The following KCNK15 variants were observed in gnomAD, a reference collection of about 807,000 sequenced individuals.
KCNK15 encodes potassium channel subfamily K member 15.
Under a neutral mutation model 8.5 loss-of-function variants are expected in KCNK15, and 9 were observed. The observed-to-expected ratio is 1.06, with a 90% CI of 0.64 to 1.85. KCNK15 has a LOEUF of 1.85. Among genes scored for constraint, KCNK15 ranks in the 40% most tolerant of loss-of-function variants. KCNK15 has a pLI of 0.00. For synonymous variants in KCNK15, 224 were observed against 232.7 expected, an observed-to-expected ratio of 0.96 and a Z score of 0.34; for missense variants, 467 against 476.8, an observed-to-expected ratio of 0.98 and a Z score of 0.19.
chr20:44,751,054 T>A lies in KCNK15; in HGVS notation c.*216T>A, dbSNP rs537261799. The A allele has an allele frequency of 2.6e-6, 1 of 381,582 alleles. No homozygotes were observed. Among genetic ancestry groups the A allele is most frequent in the East Asian group, 4.1e-5 (1 of 24,322 alleles). The allele number at this position is 381,582 out of a possible 1,614,324, so 23.6% of individuals were successfully genotyped here. On this transcript the variant is annotated 3_prime_UTR_variant, in exon 2 of 2. Coordinates refer to ENST00000372861, the MANE Select transcript of KCNK15 (RefSeq NM_022358.4). Reference sequence around the variant, plus strand: ...CACAAACCAGGCTCCAGGGTCACCCTGTAGGAGCAAATTCCTTGTAGTCCA... The same window carrying A: ...CACAAACCAGGCTCCAGGGTCACCCAGTAGGAGCAAATTCCTTGTAGTCCA...
Position 44,750,652 on chromosome 20 carries a change from C to G in KCNK15, c.807C>G (p.Pro269=), listed in dbSNP as rs1487469562. ...CCAGCCCGCGCCCCCCGGGGGCGCC[C>G]GAGAGCCGTGGCCTCTGGCTGCCCC... is the stretch of plus-strand genomic sequence containing the variant. ...RTPSPRPPGA[P]ESRGLWLPRR... The change falls in exon 2 of 2, where the codon CCC becomes CCG. Residue 269 remains proline, a synonymous_variant. Transcript: ENST00000372861. The G allele has an allele frequency of 7.2e-6, 11 of 1,520,184 alleles. No homozygotes were observed. Among genetic ancestry groups the G allele is most frequent in the Middle Eastern group, 2.0e-4 (1 of 5,004 alleles). 94.2% of individuals were successfully genotyped at this position (1,520,184 alleles called of 1,614,324 possible). A position where few individuals can be genotyped will look rare whatever the true frequency, so the allele number is the denominator to read the frequency against.
At position 44,746,179 on chromosome 20, in the gene KCNK15, T is replaced by G; in HGVS notation, c.269T>G (p.Val90Gly). 1 of 1,399,742 alleles carries G rather than the reference T, an allele frequency of 7.1e-7. No individual in the cohort carries two copies. The highest frequency in any genetic ancestry group is 1.7e-5 in the South Asian group (1 of 60,412). 86.7% of individuals were successfully genotyped at this position (1,399,742 alleles called of 1,614,324 possible). A position where few individuals can be genotyped will look rare whatever the true frequency, so the allele number is the denominator to read the frequency against. Residue 90 changes from valine to glycine, a missense_variant, in exon 1 of 2, where the codon GTC (valine) becomes GGC (glycine). Physicochemically the swap from Val to Gly is moderately radical, Grantham distance 109. Transcript: ENST00000372861. Reference sequence around the variant, plus strand: ...GGCTCCTTCTACTTCGCCATCACCGTCATCACTACCATCGGTGAGCCGCCC... The same window carrying G: ...GGCTCCTTCTACTTCGCCATCACCGGCATCACTACCATCGGTGAGCCGCCC... ...FPGSFYFAIT[V>G]ITTIEYGHAA...
intron 1 of KCNK15, chr20:44,746,985 G>C (rs2066010417): frequency 6.6e-6 from 1 of 152,192 alleles, no homozygotes; most frequent in Admixed American, 6.5e-5. Flanking sequence ...CTAAACCTGG[G>C]GGAACAGGAA....
At chr20:44,746,371 C>G (rs919245109) in intron 1 of KCNK15, among the ~76,000 whole-genome samples, 178 bp downstream of exon 1, 6 of 152,210 alleles carry the variant, frequency 3.9e-5, no homozygotes, top group East Asian at 1.9e-4. Flanking sequence ...TCCTTTGCCC[C>G]CCTCTGCTGA....
intron 1 of KCNK15, among the ~76,000 whole-genome samples, chr20:44,747,977 C>G (rs1162074077): frequency 1.3e-5 from 2 of 152,168 alleles, no homozygotes; most frequent in Non-Finnish European, 2.9e-5. Flanking sequence ...CAGTTTTGTC[C>G]CTCTGAACCT....
intron 1 of KCNK15, among the ~76,000 whole-genome samples, chr20:44,748,109 T>C (rs1002550685): frequency 6.6e-6 from 1 of 152,212 alleles, no homozygotes; most frequent in Non-Finnish European, 1.5e-5. Context: ...TTATTATCAT[T>C]ATTCATTTCA....
rs745470934 is a variant in KCNK15, at chr20:44,750,134, G to T, written c.289G>T (p.Gly97Cys). Residue 97 changes from glycine (G) to cysteine (C), a missense_variant, in exon 2 of 2, where the codon GGC becomes TGC. Physicochemically the swap from Gly to Cys is radical, Grantham distance 159. This residue lies in a region of KCNK15 where 455 missense variants were observed against 441.2 expected (regional missense o/e 1.03). Coordinates refer to ENST00000372861, the MANE Select transcript of KCNK15 (RefSeq NM_022358.4). ...AITVITTIEY[G>C]HAAPGTDSGK... ...CCTCCGCTCTCCCTGCATAGAGTACGGCCACGCCGCGCCGGGTACGGACTC... is the reference window on the plus strand; with the variant it reads ...CCTCCGCTCTCCCTGCATAGAGTACTGCCACGCCGCGCCGGGTACGGACTC... 1.2e-6 allele frequency: 2 copies of T among 1,606,374 alleles called. No homozygotes were observed. The highest frequency in any genetic ancestry group is 2.2e-5 in the East Asian group (1 of 44,840).
At chr20:44,747,501 C>A (rs1206302688) in intron 1 of KCNK15, among the ~76,000 whole-genome samples, 2 of 152,238 alleles carry the variant, frequency 1.3e-5, no homozygotes, top group Admixed American at 6.5e-5. Flanking sequence ...CACCTGAGAC[C>A]CTCCTGGTTA....
At chr20:44,749,625 G>A (rs1158168996) in intron 1 of KCNK15, among the ~76,000 whole-genome samples, 4 of 152,080 alleles carry the variant, frequency 2.6e-5, no homozygotes, top group African/African-American at 9.7e-5. Flanking sequence ...ATGAACACCT[G>A]CCGCGTAACT....
Position 44,750,502 on chromosome 20 carries a change from C to T in KCNK15, c.657C>T (p.Pro219=). 1.2e-6 allele frequency: 2 copies of T among 1,613,948 alleles called. No homozygotes were observed. Among genetic ancestry groups the T allele is most frequent in the Non-Finnish European group, 1.7e-6 (2 of 1,179,882 alleles). Residue 219 remains proline, a synonymous_variant, in exon 2 of 2, where the codon CCC becomes CCT. Coordinates refer to ENST00000372861, the MANE Select transcript of KCNK15 (RefSeq NM_022358.4). ...GCGAGGCGCTGCAGAGGAAGCTCCC[C>T]TACGTGGCCTTCAGCTTCCTCTACA... ...QSGEALQRKL[P]YVAFSFLYIL...
In KCNK15 at chr20:44,750,693, C is replaced by T; in HGVS notation, c.848C>T (p.Ser283Phe). The T allele has an allele frequency of 6.7e-7, 1 of 1,497,380 alleles. No individual in the cohort carries two copies. Among genetic ancestry groups the T allele is most frequent in the South Asian group, 1.3e-5 (1 of 79,968 alleles). The allele number at this position is 1,497,380 out of a possible 1,614,324, so 92.8% of individuals were successfully genotyped here. The change falls in exon 2 of 2, where the codon TCC becomes TTC. Residue 283 changes from serine (S) to phenylalanine (F), a missense_variant. Around this residue, in one of 2 missense-constraint regions of KCNK15, gnomAD observed 455 missense variants for 441.2 expected, o/e 1.03. Transcript: ENST00000372861. ...TGGCTGCCCCGCCGCCCGGCCCGCT[C>T]CGTGGGCTCCGCCTCTGTCTTCTGC... ...GLWLPRRPAR[S>F]VGSASVFCHV... is the part of the protein sequence containing the mutation.
At chr20:44,749,398 G>A (rs1022779936) in intron 1 of KCNK15, among the ~76,000 whole-genome samples, 8 of 152,114 alleles carry the variant, frequency 5.3e-5, no homozygotes, top group African/African-American at 1.9e-4. Flanking sequence ...AGTAAGAATC[G>A]CCACGCCAGA....
Position 44,750,577 on chromosome 20 carries a change from G to A in KCNK15, c.732G>A (p.Leu244=), listed in dbSNP as rs1366925879. Residue 244 remains leucine, a synonymous_variant, in exon 2 of 2, where the codon CTG becomes CTA. Coordinates refer to ENST00000372861, the MANE Select transcript of KCNK15 (RefSeq NM_022358.4). ...VIGAFLNLVV[L]RFLVASADWP... ...GCGCCTTCCTCAACCTGGTGGTCCTGCGCTTCCTCGTTGCCAGCGCCGACT... is the reference window on the plus strand; with the variant it reads ...GCGCCTTCCTCAACCTGGTGGTCCTACGCTTCCTCGTTGCCAGCGCCGACT... 1 of 1,597,610 alleles carries A rather than the reference G, an allele frequency of 6.3e-7. No homozygotes were observed. The highest frequency in any genetic ancestry group is 1.3e-5 in the African/African-American group (1 of 74,622).
chr20:44,750,816 G>A lies in KCNK15; in HGVS notation c.971G>A (p.Gly324Glu), dbSNP rs1295378964. ...VVRGGQAPRL[G>E]ARWKSI The stretch of plus-strand genomic sequence containing the variant: ...CGTGGCGGGCAGGCTCCCAGGCTTG[G>A]GGCCCGGTGGAAGTCCATCTGACAA... Residue 324 changes from glycine (G) to glutamate (E), a missense_variant, in exon 2 of 2, where the codon GGG (glycine) becomes GAG (glutamate). By Grantham distance (98) the Gly-to-Glu change is moderately conservative. Around this residue, in one of 2 missense-constraint regions of KCNK15, gnomAD observed 455 missense variants for 441.2 expected, o/e 1.03. Coordinates refer to ENST00000372861, the MANE Select transcript of KCNK15 (RefSeq NM_022358.4). The A allele has an allele frequency of 6.1e-6, 9 of 1,471,070 alleles. No individual in the cohort carries two copies. The Admixed American group carries it at 9.4e-5, about 15-fold the overall frequency. The allele number at this position is 1,471,070 out of a possible 1,614,324, so 91.1% of individuals were successfully genotyped here. A position where few individuals can be genotyped will look rare whatever the true frequency, so the allele number is the denominator to read the frequency against.
At chr20:44,748,304 G>A (rs2066015801) in intron 1 of KCNK15, among the ~76,000 whole-genome samples, 3 of 152,026 alleles carry the variant, frequency 2.0e-5, no homozygotes, top group East Asian at 1.9e-4. Context: ...CATCGTCCCC[G>A]CCCTCAAAGA....
At position 44,750,623 on chromosome 20, in the gene KCNK15, A is replaced by C. The variant is rs6073538; in HGVS notation, c.778A>C (p.Thr260Pro). The C allele has an allele frequency of 0.51, 808,395 of 1,583,176 alleles. 210,407 individuals carry two copies. Among genetic ancestry groups the C allele is most frequent in the African/African-American group, 0.75 (55,748 of 74,056 alleles). Residue 260 changes from threonine (T) to proline (P), a missense_variant, in exon 2 of 2, where the codon ACC becomes CCC. Around this residue, in one of 2 missense-constraint regions of KCNK15, gnomAD observed 455 missense variants for 441.2 expected, o/e 1.03. Coordinates refer to ENST00000372861, the MANE Select transcript of KCNK15 (RefSeq NM_022358.4). ...SADWPERAAR[T>P]PSPRPPGAPE... is the part of the protein sequence containing the mutation. Reference sequence around the variant, plus strand: ...CGACTGGCCCGAGCGCGCTGCCCGCACCCCCAGCCCGCGCCCCCCGGGGGC... The same window carrying C: ...CGACTGGCCCGAGCGCGCTGCCCGCCCCCCCAGCCCGCGCCCCCCGGGGGC...
At chr20:44,748,523 C>A (rs1409905532) in intron 1 of KCNK15, among the ~76,000 whole-genome samples, 1 of 152,166 alleles carries the variant, frequency 6.6e-6, no homozygotes, top group South Asian at 2.1e-4. Flanking sequence ...TCCCTCCCAC[C>A]CTGTCTCTCA....
At position 44,746,091 on chromosome 20, in the gene KCNK15, G is replaced by A. The variant is rs1392558871; in HGVS notation, c.181G>A (p.Glu61Lys). 6 of 1,527,370 alleles carry A rather than the reference G, an allele frequency of 3.9e-6. No individual in the cohort carries two copies. The highest frequency in any genetic ancestry group is 4.0e-5 in the Admixed American group (2 of 49,876). The allele number at this position is 1,527,370 out of a possible 1,614,324, so 94.6% of individuals were successfully genotyped here. The change falls in exon 1 of 2, where the codon GAG (glutamate) becomes AAG (lysine). Residue 61 changes from glutamate to lysine, a missense_variant. Physicochemically the swap from Glu to Lys is moderately conservative, Grantham distance 56. Around this residue, in one of 2 missense-constraint regions of KCNK15, gnomAD observed 455 missense variants for 441.2 expected, o/e 1.03. Transcript: ENST00000372861. The part of the protein sequence containing the change: ...KFGFSAEDYR[E>K]LERLALQAEP... Reference sequence around the variant, plus strand: ...CGGCTTCTCGGCCGAGGACTACCGCGAGCTGGAGCGCCTGGCGCTCCAGGC... The same window carrying A: ...CGGCTTCTCGGCCGAGGACTACCGCAAGCTGGAGCGCCTGGCGCTCCAGGC...
chr20:44,750,009 GGAGAT>G (rs1189880124), intron 1 of KCNK15, 115 bp from the exon 2 acceptor site: 1 of 864,506 alleles, frequency 1.2e-6, no homozygotes, highest in African/African-American at 1.7e-5. Context: ...ACTAGTATTT[GGAGAT>G]GCCCTTCCAG....
Sources: gnomAD v4.1 joint callset for allele counts (sites outside exome capture counted in the v4.1 genomes callset) on GRCh38, gnomAD v4.1.1 for gene constraint, gnomAD v4.1.1 regional missense constraint, MANE v1.5 for transcripts, NCBI Gene and HGNC (gene_info 2026-07-23, HGNC 2026-07-21) for gene names.